RYR1: variants seen among roughly 807,000 people sequenced by gnomAD.
RYR1 encodes the protein central core disease of muscle.
A neutral mutation model predicts 583.5 loss-of-function variants in RYR1; 342 were observed. The observed-to-expected ratio is 0.59, with a 90% CI of 0.54 to 0.64. The LOEUF is 0.64. Among genes scored for constraint, RYR1 ranks in the 30% least tolerant of loss-of-function variants. The probability of loss-of-function intolerance (pLI) is 0.00; values close to 1 mark genes in which losing one functional copy is unlikely to be tolerated. For synonymous variants in RYR1, 2,791 were observed against 2,822.5 expected (o/e 0.99, Z 0.35); for missense variants, 6,032 against 6,917.2 (o/e 0.87, Z 4.54).
At position 38,547,315 on chromosome 19, in the gene RYR1, T is replaced by C. The variant is rs1972477015; in HGVS notation, c.12094+789T>C. 4.0e-5 allele frequency among the ~76,000 whole-genome samples: 6 copies of C among 151,116 alleles called. No individual in the cohort carries two copies. In the South Asian group the frequency reaches 1.3e-3, roughly 32 times the overall value. ...ATCCTCCCGCCTCAGCCTCCCAAAG[T>C]GCTGGGATTACAGACTTGAGCCACT... is the stretch of plus-strand genomic sequence containing the variant. On this transcript the variant is annotated intron_variant, in intron 88 of 105. Coordinates refer to ENST00000359596, the MANE Select transcript of RYR1 (RefSeq NM_000540.3).
intron 39 of RYR1, among the ~76,000 whole-genome samples, chr19:38,495,077 C>T (rs1156826016): frequency 6.6e-6 from 1 of 151,972 alleles, no homozygotes; most frequent in Non-Finnish European, 1.5e-5. Context: ...GTCTCGAACT[C>T]CTAACCTCAG....
intron 27 of RYR1, among the ~76,000 whole-genome samples, chr19:38,470,439 A>G (rs755873536): frequency 1.9e-3 from 261 of 134,356 alleles, no homozygotes; most frequent in Non-Finnish European, 2.9e-3. Flanking sequence ...TGTCTCATTG[A>G]AAAAAAAAAA....
At chr19:38,485,364 G>T (rs1314685793) in intron 33 of RYR1, among the ~76,000 whole-genome samples, 1 of 152,198 alleles carries the variant, frequency 6.6e-6, no homozygotes, top group Non-Finnish European at 1.5e-5. Flanking sequence ...CCCTGCTGCA[G>T]CCTTCGACAC....
intron 83 of RYR1, chr19:38,537,041 A>T: frequency 1.7e-6 from 1 of 573,778 alleles, no homozygotes; most frequent in East Asian, 2.9e-5. Flanking sequence ...AAGCTAGAGA[A>T]CATGGTAAAG....
intron 67 of RYR1, among the ~76,000 whole-genome samples, chr19:38,521,713 A>C (rs1433627773): frequency 6.6e-6 from 1 of 150,796 alleles, no homozygotes; most frequent in Non-Finnish European, 1.5e-5. Flanking sequence ...GAAAAAAAGA[A>C]AATTTTTTTT....
chr19:38,488,491 T>A (rs1179784537), intron 34 of RYR1, among the ~76,000 whole-genome samples: 1 of 152,098 alleles, frequency 6.6e-6, no homozygotes, highest in Non-Finnish European at 1.5e-5. Flanking sequence ...TATGTTAGCA[T>A]CTTTTAAACT....
chr19:38,580,614 C>A, intron 101 of RYR1, 110 bp downstream of exon 101: 9 of 1,376,688 alleles, frequency 6.5e-6, no homozygotes, highest in Non-Finnish European at 9.2e-6. Context: ...AATCCCAGTG[C>A]GTCGGGAGGC....
chr19:38,496,755 A>C lies in RYR1; in HGVS notation c.6797-105A>C. The C allele has an allele frequency of 6.6e-6, 8 of 1,210,352 alleles. No homozygotes were observed. Among genetic ancestry groups the C allele is most frequent in the Non-Finnish European group, 9.8e-6 (8 of 819,052 alleles). 75.0% of individuals were successfully genotyped at this position (1,210,352 alleles called of 1,614,324 possible). On this transcript the variant is annotated intron_variant, in intron 41 of 105. Coordinates refer to ENST00000359596, the MANE Select transcript of RYR1 (RefSeq NM_000540.3). This position sits in a 1 kb window ranked among gnomAD's most constrained non-coding sequence, Gnocchi z 4.8. ...CTTGGATGAGGGAAGTACAGACCAG[A>C]GGAGGCACCTGATCCAGGCTGGAAA...
chr19:38,520,693 C>CAAAAAGAAAAAAAAAAAAAAAAA (rs1971188490), intron 67 of RYR1, among the ~76,000 whole-genome samples: 1 of 46,886 alleles, frequency 2.1e-5, no homozygotes, highest in Non-Finnish European at 4.9e-5. Flanking sequence ...GGCTCCACCT[C>CAAAAAGAAAAAAAAAAAAAAAAA]AAAAAAAAAA....
rs1971017682 is a variant in RYR1, at chr19:38,517,369, C to A, written c.9696C>A (p.Leu3232=). The A allele has an allele frequency of 6.2e-7, 1 of 1,613,532 alleles. No homozygotes were observed. Among genetic ancestry groups the A allele is most frequent in the Non-Finnish European group, 8.5e-7 (1 of 1,180,006 alleles). ...KSPRERAILG[L]PNSVEEMCPD... is the part of the protein sequence containing the mutation. ...GTCCCTGTACCCCAGTCCTGGGGCTCCCCAACAGTGTGGAGGAGATGTGTC... is the reference window on the plus strand; with the variant it reads ...GTCCCTGTACCCCAGTCCTGGGGCTACCCAACAGTGTGGAGGAGATGTGTC... Residue 3232 remains leucine, a synonymous_variant, in exon 66 of 106, where the codon CTC becomes CTA. Transcript: ENST00000359596.
Position 38,489,233 on chromosome 19 carries a change from T to C in RYR1, c.5604T>C (p.Pro1868=). ...AACAGATCTTGAAGATGATTGAGCC[T>C]GAGGTCTTCACTGAGGAAGAAGAGG... ...DVKQILKMIE[P]EVFTEEEEEE... is the part of the protein sequence containing the mutation. Residue 1868 remains proline, a synonymous_variant, in exon 35 of 106, where the codon CCT becomes CCC. Transcript: ENST00000359596. 1.2e-6 allele frequency: 2 copies of C among 1,613,652 alleles called. No homozygotes were observed. Among genetic ancestry groups the C allele is most frequent in the South Asian group, 1.1e-5 (1 of 91,050 alleles).
intron 72 of RYR1, 77 bp from the exon 73 acceptor site, chr19:38,527,570 A>C: frequency 6.3e-7 from 1 of 1,591,200 alleles, no homozygotes; most frequent in South Asian, 1.1e-5. Flanking sequence ...GAGTCCTCCC[A>C]AAAACGGAAA....
intron 66 of RYR1, among the ~76,000 whole-genome samples, chr19:38,518,418 AAAAAAG>A (rs1971072983): frequency 6.6e-6 from 1 of 151,464 alleles, no homozygotes; most frequent in Non-Finnish European, 1.5e-5. Flanking sequence ...AAAAAAAAAA[AAAAAAG>A]AAATATTTGT....
In RYR1 at chr19:38,446,539, C is replaced by T. The variant is rs2145351166; in HGVS notation, c.699C>T (p.Ser233=). ...HGHMDECLTI[S]PADSDDQRRL... ...ATATGGATGAGTGTCTGACCATTTCCCCTGCTGACAGTGATGACCAGCGCA... is the reference window on the plus strand; with the variant it reads ...ATATGGATGAGTGTCTGACCATTTCTCCTGCTGACAGTGATGACCAGCGCA... Residue 233 remains serine (S), a synonymous_variant, in exon 8 of 106, where the codon TCC becomes TCT. Coordinates refer to ENST00000359596, the MANE Select transcript of RYR1 (RefSeq NM_000540.3). 1 of 1,614,140 alleles carries T rather than the reference C, an allele frequency of 6.2e-7. No individual in the cohort carries two copies. The highest frequency in any genetic ancestry group is 8.5e-7 in the Non-Finnish European group (1 of 1,180,006).
At chr19:38,539,509 A>T (rs960624040) in intron 84 of RYR1, among the ~76,000 whole-genome samples, 2 of 152,098 alleles carry the variant, frequency 1.3e-5, no homozygotes, top group African/African-American at 4.8e-5. Context: ...AAATGCTGGG[A>T]TTACAGGTGT....
At chr19:38,446,908 G>A (rs1167302032) in intron 9 of RYR1, 140 bp downstream of exon 9, 9 of 689,684 alleles carry the variant, frequency 1.3e-5, no homozygotes, top group Non-Finnish European at 2.2e-5. Flanking sequence ...CTGAGAGAGA[G>A]ATGAAAATCT....
At position 38,443,572 on chromosome 19, in the gene RYR1, G is replaced by A. The variant is rs1288390722; in HGVS notation, c.285G>A (p.Gly95=). 2 of 1,614,040 alleles carry A rather than the reference G, an allele frequency of 1.2e-6. No homozygotes were observed. Among genetic ancestry groups the A allele is most frequent in the Non-Finnish European group, 1.7e-6 (2 of 1,179,966 alleles). The change falls in exon 4 of 106, where the codon GGG becomes GGA. Residue 95 remains glycine, a synonymous_variant. Transcript: ENST00000359596. ...VEAGVESSQG[G]GHRTLLYGHA... ...TCCCCCTGCAGTCATCCCAGGGCGG[G>A]GGACACAGGACGCTCCTGTATGGCC...
chr19:38,468,659 A>G (rs1049505542), intron 25 of RYR1, among the ~76,000 whole-genome samples: 6 of 152,098 alleles, frequency 3.9e-5, no homozygotes, highest in African/African-American at 1.4e-4. Flanking sequence ...CCATCCCTCT[A>G]CTTACTGCTG....
At position 38,463,453 on chromosome 19, in the gene RYR1, C is replaced by T. The variant is rs573876812; in HGVS notation, c.2608C>T (p.Arg870Trp). 21 of 1,613,814 alleles carry T rather than the reference C, an allele frequency of 1.3e-5. No homozygotes were observed. The highest frequency in any genetic ancestry group is 1.6e-4 in the Middle Eastern group (1 of 6,084). ...CCTGCCGCCCCATCTGGAGCGCATTCGGGAGAAGCTGGCGGAGAACATCCA... is the reference window on the plus strand; with the variant it reads ...CCTGCCGCCCCATCTGGAGCGCATTTGGGAGAAGCTGGCGGAGAACATCCA... ...IVLPPHLERI[R>W]EKLAENIHEL... The change falls in exon 21 of 106, where the codon CGG (arginine) becomes TGG (tryptophan). Residue 870 changes from arginine (R) to tryptophan (W), a missense_variant. Arg to Trp is a moderately radical substitution (Grantham distance 101). This residue lies in a region of RYR1 where 2,627 missense variants were observed against 2,961.3 expected (regional missense o/e 0.89). Coordinates refer to ENST00000359596, the MANE Select transcript of RYR1 (RefSeq NM_000540.3).
Sources: gnomAD v4.1 joint callset for allele counts (sites outside exome capture counted in the v4.1 genomes callset) on GRCh38, gnomAD v4.1.1 for gene constraint, gnomAD v4.1.1 regional missense constraint, Gnocchi (gnomAD v3.1) non-coding constraint, MANE v1.5 for transcripts, NCBI Gene and HGNC (gene_info 2026-07-23, HGNC 2026-07-21) for gene names.